The following SLC10A7 variants were observed in gnomAD, a reference collection of about 807,000 sequenced individuals.
SLC10A7 encodes solute carrier family 10 member 7.
A neutral mutation model predicts 43.2 loss-of-function variants in SLC10A7; 29 were observed. The observed-to-expected ratio is 0.67, with a 90% CI of 0.50 to 0.92. The LOEUF (loss-of-function observed/expected upper bound fraction) is 0.92, where lower values mean the gene tolerates loss of function less well. Ranked by LOEUF, SLC10A7 falls within the 40% of genes least tolerant of loss-of-function variation. The pLI is 0.00. For missense variants in SLC10A7, 295 were observed against 403.2 expected (o/e 0.73, Z 2.30); for synonymous variants, 152 against 144.8 (o/e 1.05, Z -0.35).
chr4:146,513,819 T>C (rs1229178533), intron 2 of SLC10A7: 2 of 152,216 alleles, frequency 1.3e-5, no homozygotes, highest in East Asian at 3.8e-4. Flanking sequence ...AATTCCAAAA[T>C]AGTTATTATT....
intron 5 of SLC10A7, among the ~76,000 whole-genome samples, chr4:146,365,453 A>G (rs1274769568): frequency 6.6e-6 from 1 of 152,236 alleles, no homozygotes; most frequent in Non-Finnish European, 1.5e-5. Flanking sequence ...TGCACTGTAC[A>G]TTAAAGTTTA....
At chr4:146,404,327 T>C (rs1014077786) in intron 5 of SLC10A7, among the ~76,000 whole-genome samples, 1 of 152,126 alleles carries the variant, frequency 6.6e-6, no homozygotes, top group Non-Finnish European at 1.5e-5. Flanking sequence ...ACCAACAGTA[T>C]GAATCTGTAT....
At chr4:146,345,056 C>A (rs555174298) in intron 5 of SLC10A7, among the ~76,000 whole-genome samples, 95 of 152,222 alleles carry the variant, frequency 6.2e-4, no homozygotes, top group African/African-American at 2.2e-3. Context: ...TGGTATGAAT[C>A]TGAAACTTCT....
chr4:146,411,570 T>C (rs917059121), intron 5 of SLC10A7, among the ~76,000 whole-genome samples: 8 of 152,202 alleles, frequency 5.3e-5, no homozygotes, highest in African/African-American at 1.9e-4. Flanking sequence ...ATTAATGTAG[T>C]ATTAGTGTTA....
intron 3 of SLC10A7, among the ~76,000 whole-genome samples, chr4:146,507,898 A>T (rs1444834147): frequency 6.6e-6 from 1 of 152,182 alleles, no homozygotes; most frequent in Non-Finnish European, 1.5e-5. Flanking sequence ...GTAAGTGTAC[A>T]CTCCTTTAAG....
At chr4:146,431,978 G>C (rs1333931028) in intron 5 of SLC10A7, among the ~76,000 whole-genome samples, 3 of 152,166 alleles carry the variant, frequency 2.0e-5, no homozygotes, top group Non-Finnish European at 4.4e-5. Flanking sequence ...ATGGGCAAGA[G>C]ATTTGAACAC....
At chr4:146,506,345 A>G (rs1276228677) in intron 3 of SLC10A7, among the ~76,000 whole-genome samples, 1 of 152,236 alleles carries the variant, frequency 6.6e-6, no homozygotes, top group Admixed American at 6.5e-5. Context: ...AAAAAGAAGT[A>G]AAGACATTAT....
chr4:146,341,011 C>A (rs538849148), intron 5 of SLC10A7, among the ~76,000 whole-genome samples: 46 of 151,860 alleles, frequency 3.0e-4, no homozygotes, highest in African/African-American at 8.4e-4. Context: ...AATCTATGCA[C>A]AGCACATTAG....
chr4:146,256,613 G>A (rs1468730891), intron 11 of SLC10A7, 93 bp from the exon 12 acceptor site: 1 of 1,403,272 alleles, frequency 7.1e-7, no homozygotes, highest in African/African-American at 1.4e-5. Context: ...CTATTAGAAG[G>A]AAGAAGAGGC....
intron 4 of SLC10A7, among the ~76,000 whole-genome samples, chr4:146,472,230 T>G (rs901209442): frequency 6.6e-6 from 1 of 152,124 alleles, no homozygotes; most frequent in Non-Finnish European, 1.5e-5. Context: ...ACAAATCAAG[T>G]TAAGCGCCTG....
intron 10 of SLC10A7, among the ~76,000 whole-genome samples, chr4:146,270,146 C>A (rs1728805774): frequency 6.6e-6 from 1 of 152,144 alleles, no homozygotes; most frequent in Non-Finnish European, 1.5e-5. Flanking sequence ...ATTTATCTAA[C>A]CTAGATGATG....
chr4:146,312,431 A>G (rs954344069), intron 6 of SLC10A7, among the ~76,000 whole-genome samples: 8 of 152,166 alleles, frequency 5.3e-5, no homozygotes, highest in Non-Finnish European at 1.0e-4. Flanking sequence ...CTTTTTGTGT[A>G]TGATCTTAAT....
intron 10 of SLC10A7, among the ~76,000 whole-genome samples, chr4:146,264,528 G>A (rs1326568188): frequency 6.6e-6 from 1 of 151,980 alleles, no homozygotes; most frequent in Non-Finnish European, 1.5e-5. Context: ...GTGAGTTACT[G>A]GTCTAGGTGG....
At chr4:146,519,819 A>G (rs1479372619) in intron 1 of SLC10A7, among the ~76,000 whole-genome samples, 1 of 152,200 alleles carries the variant, frequency 6.6e-6, no homozygotes, top group East Asian at 1.9e-4. Flanking sequence ...ATGTTGGCTT[A>G]AAACACTTTA....
chr4:146,306,635 C>T (rs757918515), intron 6 of SLC10A7, among the ~76,000 whole-genome samples: 17 of 152,188 alleles, frequency 1.1e-4, no homozygotes, highest in South Asian at 4.2e-4. Context: ...ATTCTTTCTT[C>T]GTTAACAATT....
intron 5 of SLC10A7, among the ~76,000 whole-genome samples, chr4:146,359,395 C>A (rs1300292203): frequency 6.6e-6 from 1 of 151,826 alleles, no homozygotes. Flanking sequence ...TAATGAAATC[C>A]AATTAATCAA....
intron 6 of SLC10A7, among the ~76,000 whole-genome samples, chr4:146,323,723 T>C (rs887876053): frequency 5.3e-5 from 8 of 152,134 alleles, no homozygotes; most frequent in African/African-American, 1.7e-4. Flanking sequence ...TTTGGTTCCA[T>C]ATGGCAAAAA....
intron 5 of SLC10A7, among the ~76,000 whole-genome samples, chr4:146,393,001 T>A (rs1004935443): frequency 6.6e-6 from 1 of 151,892 alleles, no homozygotes; most frequent in African/African-American, 2.4e-5. Flanking sequence ...GTGTTCTCTC[T>A]TAATAAATGT....
At chr4:146,256,790 T>C in intron 11 of SLC10A7, 4 of 1,445,650 alleles carry the variant, frequency 2.8e-6, no homozygotes, top group Admixed American at 3.9e-5. Flanking sequence ...TCTCAATCAG[T>C]ACTGTGTGCA....
Sources: allele counts gnomAD v4.1 joint callset (sites outside exome capture counted in the v4.1 genomes callset), GRCh38; gene constraint gnomAD v4.1.1; transcripts MANE v1.5; gene names NCBI Gene and HGNC (gene_info 2026-07-23, HGNC 2026-07-21).